The following MCM9 variants were observed in gnomAD, a reference collection of about 807,000 sequenced individuals.
The protein encoded by MCM9 is minichromosome maintenance 9 homologous recombination repair factor.
MCM9 carries 55 observed loss-of-function variants against 72.8 expected under a neutral mutation model. The observed-to-expected ratio is 0.76, with a 90% CI of 0.61 to 0.95. The LOEUF (loss-of-function observed/expected upper bound fraction) is 0.95, where lower values mean the gene tolerates loss of function less well. Among genes scored for constraint, MCM9 ranks in the 40% least tolerant of loss-of-function variants. The probability of loss-of-function intolerance (pLI) is 0.00; values close to 1 mark genes in which losing one functional copy is unlikely to be tolerated. For missense variants in MCM9, 1,279 were observed against 1,377.0 expected (o/e 0.93, Z 1.13); for synonymous variants, 480 against 503.4 (o/e 0.95, Z 0.62).
chr6:118,826,430 C>T, intron 12 of MCM9, 138 bp from the exon 13 acceptor site: 3 of 852,314 alleles, frequency 3.5e-6, no homozygotes, highest in Non-Finnish European at 5.1e-6. Context: ...ACTTGGGAGG[C>T]TTTTTCAACT....
At chr6:118,829,741 AAGAC>A (rs1774401976) in intron 9 of MCM9, among the ~76,000 whole-genome samples, 2 of 152,212 alleles carry the variant, frequency 1.3e-5, no homozygotes, top group Admixed American at 6.5e-5. Context: ...TAGGTGGAGA[AAGAC>A]AGGCATTTGC....
chr6:118,927,330 G>A (rs915857594), intron 3 of MCM9, among the ~76,000 whole-genome samples: 1 of 152,206 alleles, frequency 6.6e-6, no homozygotes, highest in African/African-American at 2.4e-5. Context: ...TTGGCTGGAC[G>A]TGGTGGCTCA....
intron 8 of MCM9, chr6:118,908,771 A>G (rs1248433781): frequency 6.6e-6 from 1 of 152,630 alleles, no homozygotes; most frequent in Non-Finnish European, 1.5e-5. Context: ...GCTCCATAAA[A>G]TTGAGGTAGA....
At chr6:118,870,665 T>C (rs1353714682) in intron 8 of MCM9, among the ~76,000 whole-genome samples, 1 of 150,460 alleles carries the variant, frequency 6.6e-6, no homozygotes, top group Admixed American at 6.6e-5. Flanking sequence ...AGAAAAACAA[T>C]AGAAAAGATA....
intron 8 of MCM9, chr6:118,911,235 T>C: frequency 1.0e-6 from 1 of 987,046 alleles, no homozygotes; most frequent in Middle Eastern, 5.2e-4. Context: ...GAAATTTCAG[T>C]AGGAGCTACT....
chr6:118,899,355 ATAGGGTTTGGT>A (rs1194413274), intron 8 of MCM9, among the ~76,000 whole-genome samples: 5 of 152,116 alleles, frequency 3.3e-5, no homozygotes, highest in Non-Finnish European at 7.4e-5. Context: ...ATCCTCAATC[ATAGGGTTTGGT>A]GCTTTCCTCC....
intron 9 of MCM9, among the ~76,000 whole-genome samples, chr6:118,833,422 T>G (rs1774730834): frequency 6.6e-6 from 1 of 152,166 alleles, no homozygotes; most frequent in Admixed American, 6.5e-5. Context: ...AGATTGAGCA[T>G]GAAATCTGCT....
chr6:118,860,504 A>G (rs1054669535), intron 8 of MCM9, among the ~76,000 whole-genome samples: 1 of 152,206 alleles, frequency 6.6e-6, no homozygotes, highest in African/African-American at 2.4e-5. Flanking sequence ...GGAATAAAAG[A>G]ATAACAATAA....
intron 2 of MCM9, among the ~76,000 whole-genome samples, chr6:118,932,074 C>T (rs1397279501): frequency 6.6e-6 from 1 of 152,186 alleles, no homozygotes; most frequent in African/African-American, 2.4e-5. Context: ...CATTTCCGGA[C>T]TGCACTTATA....
At chr6:118,829,353 C>T (rs878888428) in intron 9 of MCM9, 103 bp from the exon 10 acceptor site, 37 of 1,049,312 alleles carry the variant, frequency 3.5e-5, no homozygotes, top group African/African-American at 1.4e-4. Flanking sequence ...TGAAAATCTA[C>T]GAACTCCTAT....
intron 8 of MCM9, among the ~76,000 whole-genome samples, chr6:118,890,550 T>C (rs1175268458): frequency 6.6e-6 from 1 of 152,238 alleles, no homozygotes; most frequent in Admixed American, 6.5e-5. Context: ...CCTTTCCTAC[T>C]GAACCATAAG....
chr6:118,815,342 C>G lies in MCM9; in HGVS notation c.2914G>C (p.Gly972Arg). ...TTTCCTGGGGTAGATGTTAACTTTCCTGGACGCTTCACCGGCAAGGCTGCG... is the reference window on the plus strand; with the variant it reads ...TTTCCTGGGGTAGATGTTAACTTTCGTGGACGCTTCACCGGCAAGGCTGCG... Reference protein sequence around the residue: ...RDAALPVKRPGKLTSTPGNQI... With the variant: ...RDAALPVKRPRKLTSTPGNQI... The change falls in exon 14 of 14, where the codon GGA (glycine) becomes CGA (arginine). Residue 972 changes from glycine to arginine, a missense_variant. Physicochemically the swap from Gly to Arg is moderately radical, Grantham distance 125. Transcript: ENST00000619706. 6.5e-7 allele frequency: 1 copy of G among 1,550,296 alleles called. No homozygotes were observed.
At chr6:118,902,024 T>C (rs544925218) in intron 8 of MCM9, among the ~76,000 whole-genome samples, 2 of 152,334 alleles carry the variant, frequency 1.3e-5, no homozygotes, top group East Asian at 3.9e-4. Context: ...TTAGTACTTT[T>C]GATTAAAAAG....
chr6:118,905,786 A>G (rs576296979), intron 8 of MCM9: 1 of 1,611,602 alleles, frequency 6.2e-7, no homozygotes, highest in African/African-American at 1.3e-5. Context: ...ATACTGAGAC[A>G]GAATTAAGGG....
In MCM9 at chr6:118,815,694, CT is replaced by C; in HGVS notation, c.2561del (p.Glu854GlyfsTer78). 6.5e-7 allele frequency: 1 copy of C among 1,548,514 alleles called. No homozygotes were observed. Among genetic ancestry groups the C allele is most frequent in the Non-Finnish European group, 8.7e-7 (1 of 1,146,654 alleles). Reference sequence around the variant, plus strand: ...TATTTCTGCACAACTTCTGGGCCCTCTCTTTGCACAGCTTCTGCAGGTTCCT... The same window carrying C: ...TATTTCTGCACAACTTCTGGGCCCTCCTTTGCACAGCTTCTGCAGGTTCCT... ...VPRNLQKLCK[E>X]RAQKLCRNST... On this transcript the variant is annotated frameshift_variant, in exon 14 of 14. Transcript: ENST00000619706. LOFTEE classifies it low-confidence loss of function (END_TRUNC).
chr6:118,910,916 A>G, intron 8 of MCM9: 4 of 985,412 alleles, frequency 4.1e-6, no homozygotes, highest in Non-Finnish European at 4.8e-6. Flanking sequence ...AGCCCAATGG[A>G]AGTTAATCTG....
At chr6:118,926,077 C>T (rs1714273963) in intron 3 of MCM9, among the ~76,000 whole-genome samples, 3 of 152,190 alleles carry the variant, frequency 2.0e-5, no homozygotes, top group Admixed American at 2.0e-4. Flanking sequence ...TACCCAGTAG[C>T]AGTCACTCCC....
At chr6:118,834,850 T>C (rs905213163) in intron 9 of MCM9, among the ~76,000 whole-genome samples, 1 of 152,208 alleles carries the variant, frequency 6.6e-6, no homozygotes, top group Non-Finnish European at 1.5e-5. Flanking sequence ...AGAAGCTCTT[T>C]AGTTTAATCA....
At chr6:118,932,084 A>C (rs1782485118) in intron 2 of MCM9, among the ~76,000 whole-genome samples, 2 of 152,242 alleles carry the variant, frequency 1.3e-5, no homozygotes, top group Non-Finnish European at 2.9e-5. Context: ...CTGCACTTAT[A>C]ATAGTGGTCT....
Sources: allele counts gnomAD v4.1 joint callset (sites outside exome capture counted in the v4.1 genomes callset), GRCh38; gene constraint gnomAD v4.1.1; transcripts MANE v1.5; gene names NCBI Gene and HGNC (gene_info 2026-07-23, HGNC 2026-07-21).